The following ARPP21 variants were observed in gnomAD, a reference collection of about 807,000 sequenced individuals.
ARPP21 encodes cAMP-regulated phosphoprotein 21.
A neutral mutation model predicts 113.2 loss-of-function variants in ARPP21; 69 were observed. The ratio of observed to expected loss-of-function variants is 0.61; its 90% CI spans 0.50 to 0.74. The LOEUF is 0.74. Among genes scored for constraint, ARPP21 ranks in the 30% least tolerant of loss-of-function variants. ARPP21 has a pLI of 0.00. For synonymous variants in ARPP21, 368 were observed against 375.5 expected (o/e 0.98, Z 0.23); for missense variants, 1,070 against 1,037.4 (o/e 1.03, Z -0.43).
chr3:35,731,116 C>T (rs1453176163), intron 15 of ARPP21, among the ~76,000 whole-genome samples: 1 of 152,096 alleles, frequency 6.6e-6, no homozygotes, highest in Non-Finnish European at 1.5e-5. Context: ...GAAAAGAGAA[C>T]ATTTTAACCA....
rs1376318990 is a variant in ARPP21, at chr3:35,640,163, G to T, written c.-448G>T. On this transcript the variant is annotated 5_prime_UTR_variant, in exon 1 of 21. Coordinates refer to ENST00000684406, the MANE Select transcript of ARPP21 (RefSeq NM_001385562.1). ...AGCCCTGGCTGCCACAGCTGTGTGG[G>T]ATCCCAGCCGACACTGCAGAAAGCT... 2.0e-5 allele frequency: 3 copies of T among 152,258 alleles called. No individual in the cohort carries two copies. Among genetic ancestry groups the T allele is most frequent in the Non-Finnish European group, 2.9e-5 (2 of 68,112 alleles). The allele number at this position is 152,258 out of a possible 1,614,324, so 9.4% of individuals were successfully genotyped here.
In ARPP21 at chr3:35,759,676, C is replaced by CTGTGTG. The variant is rs57456659; in HGVS notation, c.2137+15737_2137+15742dup. Among the ~76,000 whole-genome samples, 185 of 140,884 alleles carry CTGTGTG rather than the reference C, an allele frequency of 1.3e-3. 1 individual carries two copies. The highest frequency in any genetic ancestry group is 4.2e-3 in the African/African-American group (158 of 37,762). The allele number at this position is 140,884 out of a possible 152,430, so 92.4% of individuals were successfully genotyped here. A position where few individuals can be genotyped will look rare whatever the true frequency, so the allele number is the denominator to read the frequency against. On this transcript the variant is annotated intron_variant, in intron 19 of 20. Transcript: ENST00000684406. ...ATTTTTTTCCTTTCATTTTCTCTCT[C>CTGTGTG]TGTGTGTGTGTGTGTGTGTGTGTGT... is the stretch of plus-strand genomic sequence containing the variant.
At chr3:35,775,356 A>C (rs1177696966) in intron 19 of ARPP21, among the ~76,000 whole-genome samples, 1 of 152,210 alleles carries the variant, frequency 6.6e-6, no homozygotes, top group African/African-American at 2.4e-5. Context: ...CATTTCAACA[A>C]AACTTTCACT....
chr3:35,662,250 T>G (rs1708167459), intron 1 of ARPP21, among the ~76,000 whole-genome samples: 1 of 152,206 alleles, frequency 6.6e-6, no homozygotes, highest in Non-Finnish European at 1.5e-5. Flanking sequence ...AATACTTTTA[T>G]AAATATTGCA....
intron 11 of ARPP21, among the ~76,000 whole-genome samples, chr3:35,713,556 G>A (rs1025600053): frequency 4.5e-4 from 69 of 152,058 alleles, no homozygotes; most frequent in African/African-American, 1.6e-3. Flanking sequence ...ACCATGCCCC[G>A]CTAATTTTTG....
intron 9 of ARPP21, among the ~76,000 whole-genome samples, chr3:35,695,770 CA>C (rs918474535): frequency 2.0e-5 from 3 of 151,630 alleles, no homozygotes; most frequent in Admixed American, 1.3e-4. Context: ...AAAATCTCTA[CA>C]TTTTTTTAAC....
intron 9 of ARPP21, among the ~76,000 whole-genome samples, chr3:35,695,977 T>A (rs9852246): frequency 0.04 from 6,109 of 151,588 alleles, 178 homozygotes; most frequent in African/African-American, 0.068. Context: ...TGACCTCAAA[T>A]CCAGGAGACT....
At chr3:35,790,313 G>C (rs183496878) in intron 19 of ARPP21, among the ~76,000 whole-genome samples, 126 of 152,256 alleles carry the variant, frequency 8.3e-4, no homozygotes, top group Non-Finnish European at 8.4e-4. Flanking sequence ...AAGGAAATCT[G>C]TTGGTTATAA....
chr3:35,761,626 G>C (rs2095782000), intron 19 of ARPP21, among the ~76,000 whole-genome samples: 2 of 151,888 alleles, frequency 1.3e-5, no homozygotes, highest in Non-Finnish European at 2.9e-5. Context: ...TATTCTCAGA[G>C]GGAAAAATAT....
chr3:35,647,386 T>G (rs1700638741), intron 1 of ARPP21, among the ~76,000 whole-genome samples: 1 of 152,118 alleles, frequency 6.6e-6, no homozygotes, highest in Non-Finnish European at 1.5e-5. Context: ...ATGTTTTGAA[T>G]TCAGTGGAGC....
At chr3:35,749,949 TA>T (rs1163095947) in intron 19 of ARPP21, among the ~76,000 whole-genome samples, 1 of 152,066 alleles carries the variant, frequency 6.6e-6, no homozygotes, top group African/African-American at 2.4e-5. Flanking sequence ...TCTCTCTTTT[TA>T]TTTTTGTCAG....
At chr3:35,677,952 G>T (rs1046074369) in intron 1 of ARPP21, among the ~76,000 whole-genome samples, 1 of 151,902 alleles carries the variant, frequency 6.6e-6, no homozygotes, top group African/African-American at 2.4e-5. Flanking sequence ...ATTCCCATAT[G>T]CCCATTTTCT....
intron 19 of ARPP21, among the ~76,000 whole-genome samples, chr3:35,776,103 A>G (rs1323070512): frequency 1.3e-5 from 2 of 152,242 alleles, no homozygotes; most frequent in Non-Finnish European, 2.9e-5. Context: ...GAAAATAAAT[A>G]AAACACCATT....
At chr3:35,661,928 T>C (rs1161293557) in intron 1 of ARPP21, among the ~76,000 whole-genome samples, 1 of 152,174 alleles carries the variant, frequency 6.6e-6, no homozygotes, top group Non-Finnish European at 1.5e-5. Flanking sequence ...TCATAGTATC[T>C]TGAATGCCTA....
intron 19 of ARPP21, among the ~76,000 whole-genome samples, chr3:35,774,036 T>C (rs1435533295): frequency 6.6e-6 from 1 of 152,196 alleles, no homozygotes; most frequent in Non-Finnish European, 1.5e-5. Context: ...AAAGCTTCAC[T>C]GCTCAGTTAA....
intron 14 of ARPP21, among the ~76,000 whole-genome samples, chr3:35,723,254 T>C (rs761011915): frequency 6.6e-5 from 10 of 152,216 alleles, no homozygotes; most frequent in Non-Finnish European, 1.5e-4. Flanking sequence ...CCCACCTCCA[T>C]GCAAAATCTG....
chr3:35,740,734 C>T (rs1576489051), intron 18 of ARPP21, among the ~76,000 whole-genome samples: 1 of 152,224 alleles, frequency 6.6e-6, no homozygotes, highest in East Asian at 1.9e-4. Context: ...AGTGTCCTTA[C>T]TAATTTCTGC....
intron 1 of ARPP21, among the ~76,000 whole-genome samples, chr3:35,649,150 C>G (rs1205739287): frequency 2.0e-5 from 3 of 152,064 alleles, no homozygotes; most frequent in African/African-American, 7.2e-5. Context: ...AAAAATTGAC[C>G]TTTCTACTGA....
chr3:35,791,017 A>T (rs1429968655), intron 19 of ARPP21, among the ~76,000 whole-genome samples: 1 of 152,166 alleles, frequency 6.6e-6, no homozygotes, highest in Non-Finnish European at 1.5e-5. Context: ...AACTGAGGAC[A>T]CCTTGCTTCT....
Sources: allele counts gnomAD v4.1 joint callset (sites outside exome capture counted in the v4.1 genomes callset), GRCh38; gene constraint gnomAD v4.1.1; transcripts MANE v1.5; gene names NCBI Gene and HGNC (gene_info 2026-07-23, HGNC 2026-07-21).